Variants in SGSM3 observed in about 807,000 individuals in gnomAD.
The protein encoded by SGSM3 is RUN and SH3 containing 3.
SGSM3 carries 96 observed loss-of-function variants against 100.5 expected under a neutral mutation model. The observed-to-expected ratio is 0.96, with a 90% CI of 0.81 to 1.13. SGSM3 has a LOEUF of 1.13. Among genes scored for constraint, SGSM3 ranks in the 50% most tolerant of loss-of-function variants. SGSM3 has a pLI of 0.00. For missense variants in SGSM3, 1,001 were observed against 1,015.8 expected (o/e 0.99, Z 0.20); for synonymous variants, 483 against 422.8 (o/e 1.14, Z -1.75).
intron 21 of SGSM3, 29 bp from the exon 22 acceptor site, chr22:40,409,653 T>G (rs770513029): frequency 3.1e-6 from 5 of 1,613,108 alleles, no homozygotes; most frequent in Non-Finnish European, 4.2e-6. Context: ...GCCCAAGGCC[T>G]GTGAGGTGAG....
rs1323767643 is a variant in SGSM3, at chr22:40,400,772, T to C, written c.-35T>C. 4.5e-6 allele frequency: 7 copies of C among 1,551,052 alleles called. No homozygotes were observed. Among genetic ancestry groups the C allele is most frequent in the Non-Finnish European group, 5.2e-6 (6 of 1,146,550 alleles). On this transcript the variant is annotated 5_prime_UTR_variant, in exon 2 of 22. Coordinates refer to ENST00000248929, the MANE Select transcript of SGSM3 (RefSeq NM_015705.6). ...TAGCAGGATAGGAGACTTCTAAGAT[T>C]GGAGCTGCAGAAGACTTGCCAGCCC... is the stretch of plus-strand genomic sequence containing the variant.
rs750365215 is a variant in SGSM3 at position 40,401,600 on chromosome 22, T to C, written c.15T>C (p.His5=). ...GGTCCTCTTTGGTTTTAGGAAGCCA[T>C]ACACCTGCCTGTGGCCCTTTCTCAG... MSGS[H]TPACGPFSAL... is the part of the protein sequence containing the mutation. Residue 5 remains histidine (H), a synonymous_variant, in exon 3 of 22, where the codon CAT becomes CAC. Transcript: ENST00000248929. The C allele has an allele frequency of 2.5e-5, 41 of 1,612,460 alleles. No homozygotes were observed. Among genetic ancestry groups the C allele is most frequent in the Non-Finnish European group, 3.3e-5 (39 of 1,178,956 alleles).
chr22:40,405,416 A>G, intron 7 of SGSM3, 132 bp downstream of exon 7: 1 of 969,458 alleles, frequency 1.0e-6, no homozygotes, highest in Non-Finnish European at 1.5e-6. Context: ...GTGGCCTCCC[A>G]CTCCGGGGCG....
intron 4 of SGSM3, chr22:40,403,988 G>T: frequency 2.9e-6 from 1 of 350,670 alleles, no homozygotes; most frequent in African/African-American, 2.1e-5. Context: ...GAGAATGGAG[G>T]TGTCATTTCT....
chr22:40,405,674 T>C lies in SGSM3; in HGVS notation c.644T>C (p.Leu215Pro), dbSNP rs2051386185. The change falls in exon 8 of 22, where the codon CTG becomes CCG. Residue 215 changes from leucine to proline, a missense_variant. Coordinates refer to ENST00000248929, the MANE Select transcript of SGSM3 (RefSeq NM_015705.6). ...GMVAACLLLF[L>P]EEEDAFWMMS... ...GTGGCCGCCTGCCTCCTGCTGTTCCTGGAGGAGGAGGACGCCTTCTGGATG... is the reference window on the plus strand; with the variant it reads ...GTGGCCGCCTGCCTCCTGCTGTTCCCGGAGGAGGAGGACGCCTTCTGGATG... 6.2e-7 allele frequency: 1 copy of C among 1,613,496 alleles called. No homozygotes were observed. Among genetic ancestry groups the C allele is most frequent in the Non-Finnish European group, 8.5e-7 (1 of 1,179,820 alleles).
At chr22:40,404,525 G>A in intron 5 of SGSM3, 32 bp from the exon 6 acceptor site, 1 of 1,611,518 alleles carries the variant, frequency 6.2e-7, no homozygotes, top group Non-Finnish European at 8.5e-7. Context: ...TCACGAGAAA[G>A]ACTGAGTGCC....
At chr22:40,386,829 G>T (rs1161441183) in intron 1 of SGSM3, among the ~76,000 whole-genome samples, 4 of 152,022 alleles carry the variant, frequency 2.6e-5, no homozygotes, top group Non-Finnish European at 5.9e-5. Flanking sequence ...CAGTACTAAA[G>T]AAGTTAATGG....
In SGSM3 at chr22:40,406,178, C is replaced by T; in HGVS notation, c.915C>T (p.Gly305=). 1 of 1,614,138 alleles carries T rather than the reference C, an allele frequency of 6.2e-7. No individual in the cohort carries two copies. ...LRIWDLFFYE[G]SRVLFQLTLG... Reference sequence around the variant, plus strand: ...TCTGGGACCTGTTTTTCTACGAGGGCTCCCGGGTGCTGTTCCAGCTCACGC... The same window carrying T: ...TCTGGGACCTGTTTTTCTACGAGGGTTCCCGGGTGCTGTTCCAGCTCACGC... The change falls in exon 9 of 22, where the codon GGC becomes GGT. Residue 305 remains glycine, a synonymous_variant. Transcript: ENST00000248929.
In SGSM3 at chr22:40,406,563, C is replaced by T. The variant is rs199844144; in HGVS notation, c.1086C>T (p.Thr362=). The T allele has an allele frequency of 2.0e-4, 327 of 1,613,062 alleles. 2 individuals are homozygous for T. In the East Asian group the frequency reaches 2.8e-3, roughly 14 times the overall value. ...GVAMRLAGSL[T]DVAVETQRRK... The stretch of plus-strand genomic sequence containing the variant: ...CCATGCGGCTGGCCGGCTCCCTCAC[C>T]GATGTGGCCGTGGAGACTCAGCGCC... The change falls in exon 10 of 22, where the codon ACC becomes ACT. Residue 362 remains threonine (T), a synonymous_variant. Coordinates refer to ENST00000248929, the MANE Select transcript of SGSM3 (RefSeq NM_015705.6).
intron 1 of SGSM3, among the ~76,000 whole-genome samples, chr22:40,385,874 C>T (rs1309671518): frequency 1.3e-5 from 2 of 151,934 alleles, no homozygotes; most frequent in Non-Finnish European, 2.9e-5. Flanking sequence ...TCTTGAAGAC[C>T]GGGTCTCACT....
intron 1 of SGSM3, among the ~76,000 whole-genome samples, chr22:40,391,632 T>C (rs1269305826): frequency 1.3e-5 from 2 of 152,080 alleles, no homozygotes; most frequent in Non-Finnish European, 2.9e-5. Flanking sequence ...CAAAAAGTTG[T>C]GTTCGTGTAA....
intron 1 of SGSM3, among the ~76,000 whole-genome samples, chr22:40,397,194 C>T (rs933573832): frequency 1.3e-5 from 2 of 152,078 alleles, no homozygotes; most frequent in African/African-American, 4.8e-5. Flanking sequence ...GGAGAAGTGG[C>T]GTGTTTATAT....
chr22:40,402,000 G>A lies in SGSM3; in HGVS notation c.91-139G>A. The A allele has an allele frequency of 1.4e-5, 9 of 666,062 alleles. No individual in the cohort carries two copies. The Middle Eastern group carries it at 2.5e-3, about 184-fold the overall frequency. 41.3% of individuals were successfully genotyped at this position (666,062 alleles called of 1,614,324 possible). ...GAAGGTTGCGTGGTAACCAGAGGCGGCTTTTGGAAGAGTAGCCTTTGATCT... is the reference window on the plus strand; with the variant it reads ...GAAGGTTGCGTGGTAACCAGAGGCGACTTTTGGAAGAGTAGCCTTTGATCT... On this transcript the variant is annotated intron_variant, in intron 3 of 21. Transcript: ENST00000248929.
At chr22:40,393,627 T>G (rs2049655446) in intron 1 of SGSM3, among the ~76,000 whole-genome samples, 1 of 152,222 alleles carries the variant, frequency 6.6e-6, no homozygotes, top group Non-Finnish European at 1.5e-5. Context: ...GATCACCCAC[T>G]CCTTGTCTTA....
intron 1 of SGSM3, among the ~76,000 whole-genome samples, chr22:40,388,804 G>GA (rs1272504871): frequency 1.3e-5 from 2 of 152,154 alleles, no homozygotes; most frequent in African/African-American, 4.8e-5. Context: ...GAGGGGTGAA[G>GA]ATGGAAAGGT....
At chr22:40,380,130 G>A (rs374129150) in intron 1 of SGSM3, among the ~76,000 whole-genome samples, 195 of 152,224 alleles carry the variant, frequency 1.3e-3, no homozygotes, top group African/African-American at 3.3e-3. Context: ...AGTCCTGAGA[G>A]GCAGTATAAA....
intron 2 of SGSM3, 144 bp downstream of exon 2, chr22:40,400,957 A>G: frequency 1.2e-6 from 1 of 806,974 alleles, no homozygotes; most frequent in Non-Finnish European, 1.9e-6. Context: ...TGGCTGAGAA[A>G]GTTATTAAAA....
intron 1 of SGSM3, among the ~76,000 whole-genome samples, chr22:40,392,155 G>A (rs1162446834): frequency 2.0e-5 from 3 of 151,782 alleles, no homozygotes; most frequent in South Asian, 4.2e-4. Flanking sequence ...ATTTTATTTC[G>A]CCTTAAAAAC....
intron 1 of SGSM3, chr22:40,376,258 A>T (rs1038227048): frequency 1.5e-5 from 2 of 132,350 alleles, no homozygotes; most frequent in African/African-American, 3.0e-5. Context: ...ATGAAGTTCA[A>T]CTTACGGCTC....
Sources: gnomAD v4.1 joint callset for allele counts (sites outside exome capture counted in the v4.1 genomes callset) on GRCh38, gnomAD v4.1.1 for gene constraint, MANE v1.5 for transcripts, NCBI Gene and HGNC (gene_info 2026-07-23, HGNC 2026-07-21) for gene names.